Variants in TRAF3IP1 observed in about 807,000 individuals in gnomAD.
TRAF3IP1 encodes the protein intraflagellar transport 54.
TRAF3IP1 carries 53 observed loss-of-function variants against 89.9 expected under a neutral mutation model. The observed-to-expected ratio is 0.59, with a 90% CI of 0.47 to 0.74. The LOEUF (loss-of-function observed/expected upper bound fraction) is 0.74, where lower values mean the gene tolerates loss of function less well. Among genes scored for constraint, TRAF3IP1 ranks in the 30% least tolerant of loss-of-function variants. The probability of loss-of-function intolerance (pLI) is 0.00; values close to 1 mark genes in which losing one functional copy is unlikely to be tolerated. For missense variants in TRAF3IP1, 806 were observed against 866.1 expected (o/e 0.93, Z 0.87); for synonymous variants, 311 against 322.1 (o/e 0.97, Z 0.37).
At chr2:238,385,141 G>A (rs1054828897) in intron 15 of TRAF3IP1, among the ~76,000 whole-genome samples, 2 of 151,660 alleles carry the variant, frequency 1.3e-5, no homozygotes, top group Admixed American at 6.6e-5. Context: ...TCAGCCTCCC[G>A]AGTAGCTGGG....
chr2:238,329,229 GA>G lies in TRAF3IP1; in HGVS notation c.803del (p.Glu268GlyfsTer15). On this transcript the variant is annotated frameshift_variant, in exon 5 of 17. Coordinates refer to ENST00000373327, the MANE Select transcript of TRAF3IP1 (RefSeq NM_015650.4). LOFTEE classifies it high-confidence loss of function. ...GGAGAGACTGAGAGACAGGGACCGA[GA>G]GCGCGACCGGGACAAAGGGAAGGAC... Reference protein sequence around the residue: ...EKERLRDRDRERDRDKGKDRD... With the variant: ...EKERLRDRDRXRDRDKGKDRD... 1 of 1,551,600 alleles carries G rather than the reference GA, an allele frequency of 6.4e-7. No individual in the cohort carries two copies. The highest frequency in any genetic ancestry group is 8.7e-7 in the Non-Finnish European group (1 of 1,153,854).
intron 15 of TRAF3IP1, among the ~76,000 whole-genome samples, chr2:238,391,157 A>G (rs1464558686): frequency 1.3e-5 from 2 of 152,036 alleles, no homozygotes; most frequent in Admixed American, 6.6e-5. Context: ...GGGTTTCACC[A>G]TGTTGGCCAG....
chr2:238,368,030 G>A (rs1193239888), intron 15 of TRAF3IP1, among the ~76,000 whole-genome samples: 1 of 148,764 alleles, frequency 6.7e-6, no homozygotes, highest in Non-Finnish European at 1.5e-5. Flanking sequence ...TAGTATTTTT[G>A]TCCTTTCCAA....
rs1284773249 is a variant in TRAF3IP1, at chr2:238,400,045, T to G, written c.*1126T>G. 1 of 152,082 alleles carries G rather than the reference T, an allele frequency of 6.6e-6. No individual in the cohort carries two copies. Among genetic ancestry groups the G allele is most frequent in the Non-Finnish European group, 1.5e-5 (1 of 68,016 alleles). The allele number at this position is 152,082 out of a possible 1,614,324, so 9.4% of individuals were successfully genotyped here. ...TAAATAGTGTATTTATTATGTAAAC[T>G]GAGGAGTGCCATTTAAAGTGTGAGG... is the stretch of plus-strand genomic sequence containing the variant. On this transcript the variant is annotated 3_prime_UTR_variant, in exon 17 of 17. Coordinates refer to ENST00000373327, the MANE Select transcript of TRAF3IP1 (RefSeq NM_015650.4).
chr2:238,372,915 C>T (rs1268199633), intron 15 of TRAF3IP1, among the ~76,000 whole-genome samples: 2 of 152,166 alleles, frequency 1.3e-5, no homozygotes, highest in Non-Finnish European at 2.9e-5. Flanking sequence ...TGTCTGTTGG[C>T]TGCATAGATG....
intron 9 of TRAF3IP1, 75 bp downstream of exon 9, chr2:238,344,673 G>T (rs1361388925): frequency 8.7e-6 from 11 of 1,263,900 alleles, no homozygotes; most frequent in Non-Finnish European, 1.2e-5. Context: ...TCAAAGGGCC[G>T]CAGCCCAGAG....
rs1697981855 is a variant in TRAF3IP1, at chr2:238,329,006, G to A, written c.579G>A (p.Lys193=). The change falls in exon 5 of 17, where the codon AAG becomes AAA. Residue 193 remains lysine (K), a synonymous_variant. Transcript: ENST00000373327. ...KQKEELKEDR[K]PREKDKDKEK... is the part of the protein sequence containing the mutation. ...AGGAAGAATTGAAAGAAGACCGCAA[G>A]CCAAGAGAAAAGGACAAGGACAAGG... is the stretch of plus-strand genomic sequence containing the variant. 1.3e-6 allele frequency: 2 copies of A among 1,551,818 alleles called. No homozygotes were observed. The highest frequency in any genetic ancestry group is 8.7e-7 in the Non-Finnish European group (1 of 1,147,228).
chr2:238,386,815 T>C (rs1700793106), intron 15 of TRAF3IP1, among the ~76,000 whole-genome samples: 2 of 152,218 alleles, frequency 1.3e-5, no homozygotes, highest in African/African-American at 4.8e-5. Flanking sequence ...TTGGGGCTCA[T>C]GCCAAGCTCA....
Position 238,379,085 on chromosome 2 carries a change from C to CTT in TRAF3IP1, c.1690-18373_1690-18372dup, listed in dbSNP as rs1700442453. Among the ~76,000 whole-genome samples, 1 of 152,204 alleles carries CTT rather than the reference C, an allele frequency of 6.6e-6. No individual in the cohort carries two copies. Among genetic ancestry groups the CTT allele is most frequent in the Non-Finnish European group, 1.5e-5 (1 of 68,032 alleles). ...GTCAGGTGCTCAGCGGAACCCCAGA[C>CTT]TTGTTCTCCTTGTTTCCTGTCGACT... is the stretch of plus-strand genomic sequence containing the variant. On this transcript the variant is annotated intron_variant, in intron 15 of 16. Transcript: ENST00000373327. This position sits in a 1 kb window ranked among gnomAD's most constrained non-coding sequence, Gnocchi z 4.0.
chr2:238,391,279 C>T (rs541138747), intron 15 of TRAF3IP1, among the ~76,000 whole-genome samples: 1 of 152,330 alleles, frequency 6.6e-6, no homozygotes, highest in East Asian at 1.9e-4. Context: ...CAATAATTAA[C>T]ACAGCAGGGG....
rs151235955 is a variant in TRAF3IP1, at chr2:238,365,409, C to T, written c.1689+9329C>T. Among the ~76,000 whole-genome samples, 173 of 152,244 alleles carry T rather than the reference C, an allele frequency of 1.1e-3. 4 individuals carry two copies. The highest frequency in any genetic ancestry group is 4.8e-3 in the Admixed American group (74 of 15,292). On this transcript the variant is annotated intron_variant, in intron 15 of 16. Transcript: ENST00000373327. The stretch of plus-strand genomic sequence containing the variant: ...AGGCGCGGTGGCCAACGTTTGTAAT[C>T]CTAGCACTTGGGAGGCCAAGTCAAG...
chr2:238,351,431 C>A lies in TRAF3IP1; in HGVS notation c.1452-1396C>A, dbSNP rs1420907597. On this transcript the variant is annotated intron_variant, in intron 12 of 16. Transcript: ENST00000373327. This position sits in a 1 kb window ranked among gnomAD's most constrained non-coding sequence, Gnocchi z 5.2. Reference sequence around the variant, plus strand: ...AGCATAAGGAAATTACTGACCTTCCCTCTGGGCCCGTGACAAGAGGCCGGT... The same window carrying A: ...AGCATAAGGAAATTACTGACCTTCCATCTGGGCCCGTGACAAGAGGCCGGT... 6.6e-6 allele frequency among the ~76,000 whole-genome samples: 1 copy of A among 152,174 alleles called. No individual in the cohort carries two copies. Among genetic ancestry groups the A allele is most frequent in the South Asian group, 2.1e-4 (1 of 4,806 alleles).
intron 13 of TRAF3IP1, 108 bp downstream of exon 13, chr2:238,353,058 A>G: frequency 6.5e-7 from 1 of 1,535,132 alleles, no homozygotes. Flanking sequence ...GTAATTTTTC[A>G]GTTAGTTTTC....
chr2:238,329,155 C>T lies in TRAF3IP1; in HGVS notation c.728C>T (p.Ser243Phe), dbSNP rs748283192. 1 of 1,550,838 alleles carries T rather than the reference C, an allele frequency of 6.4e-7. No homozygotes were observed. Among genetic ancestry groups the T allele is most frequent in the Non-Finnish European group, 8.7e-7 (1 of 1,149,330 alleles). ...GGCAACAGGGAGCGGGACAGAGACT[C>T]CGAGCGCAAGAAGGAGACAGAGAGA... is the stretch of plus-strand genomic sequence containing the variant. The part of the protein sequence containing the change: ...DRGNRERDRD[S>F]ERKKETERKS... Residue 243 changes from serine (S) to phenylalanine (F), a missense_variant, in exon 5 of 17, where the codon TCC becomes TTC. Physicochemically the swap from Ser to Phe is radical, Grantham distance 155 (BLOSUM62 -2). Around this residue, in one of 3 missense-constraint regions of TRAF3IP1, gnomAD observed 732 missense variants for 780.5 expected, o/e 0.94. Transcript: ENST00000373327.
At chr2:238,364,406 G>GTTTT (rs11384305) in intron 15 of TRAF3IP1, among the ~76,000 whole-genome samples, 1 of 150,036 alleles carries the variant, frequency 6.7e-6, no homozygotes, top group African/African-American at 2.4e-5. Context: ...TCCTGCCAGC[G>GTTTT]TTTTTTTTTC....
At chr2:238,363,160 A>T (rs978164890) in intron 15 of TRAF3IP1, among the ~76,000 whole-genome samples, 3 of 152,168 alleles carry the variant, frequency 2.0e-5, no homozygotes, top group Non-Finnish European at 4.4e-5. Flanking sequence ...AGTTTTATAG[A>T]TACTCACTTT....
At position 238,379,121 on chromosome 2, in the gene TRAF3IP1, T is replaced by A. The variant is rs2106361687; in HGVS notation, c.1690-18338T>A. On this transcript the variant is annotated intron_variant, in intron 15 of 16. Transcript: ENST00000373327. The surrounding 1 kb of genome is among the most constrained non-coding windows in gnomAD (Gnocchi z 4.0). ...TGTTTCCTGTCGACTCACTCTTTGG[T>A]CGTCTGTGTGTCACTGGGGGCCTGT... Among the ~76,000 whole-genome samples the A allele has an allele frequency of 6.6e-6, 1 of 152,306 alleles. No homozygotes were observed. Among genetic ancestry groups the A allele is most frequent in the Non-Finnish European group, 1.5e-5 (1 of 68,026 alleles).
chr2:238,343,120 C>T (rs1698734382), intron 8 of TRAF3IP1, among the ~76,000 whole-genome samples: 2 of 150,990 alleles, frequency 1.3e-5, no homozygotes, highest in African/African-American at 4.9e-5. Context: ...CAGAGTCTGG[C>T]TCTGTCACCA....
chr2:238,340,932 A>C (rs1698623427), intron 8 of TRAF3IP1, among the ~76,000 whole-genome samples: 1 of 151,966 alleles, frequency 6.6e-6, no homozygotes, highest in African/African-American at 2.4e-5. Context: ...ATCTCAGCTC[A>C]CTGCAACCTC....
Sources: gnomAD v4.1 joint callset for allele counts (sites outside exome capture counted in the v4.1 genomes callset) on GRCh38, gnomAD v4.1.1 for gene constraint, gnomAD v4.1.1 regional missense constraint, Gnocchi (gnomAD v3.1) non-coding constraint, MANE v1.5 for transcripts, NCBI Gene and HGNC (gene_info 2026-07-23, HGNC 2026-07-21) for gene names.